Variants in LHFPL3 observed in about 807,000 individuals in gnomAD.
LHFPL3 encodes LHFPL tetraspan subfamily member 3.
In LHFPL3, 5 loss-of-function variants were observed where a neutral mutation model predicts 19.3. The observed-to-expected ratio is 0.26, with a 90% CI of 0.14 to 0.54. LHFPL3 has a LOEUF of 0.54. Among genes scored for constraint, LHFPL3 ranks in the 20% least tolerant of loss-of-function variants. The pLI is 0.94. For missense variants in LHFPL3, 249 were observed against 307.4 expected, an observed-to-expected ratio of 0.81 and a Z score of 1.42; for synonymous variants, 133 against 126.2, an observed-to-expected ratio of 1.05 and a Z score of -0.36.
chr7:104,758,495 T>C (rs1341092124), intron 2 of LHFPL3, among the ~76,000 whole-genome samples: 3 of 152,182 alleles, frequency 2.0e-5, no homozygotes, highest in African/African-American at 4.8e-5. Flanking sequence ...TAGGACCGTG[T>C]CTCTTTCAGT....
chr7:104,873,372 A>C (rs1193807164), intron 2 of LHFPL3, among the ~76,000 whole-genome samples: 1 of 152,228 alleles, frequency 6.6e-6, no homozygotes, highest in East Asian at 1.9e-4. Context: ...GATCCTATTA[A>C]GACAAACACA....
At chr7:104,424,349 TAC>T (rs1791797017) in intron 1 of LHFPL3, among the ~76,000 whole-genome samples, 1 of 152,112 alleles carries the variant, frequency 6.6e-6, no homozygotes, top group South Asian at 2.1e-4. Flanking sequence ...TGTACGAAGG[TAC>T]AGAAAGAAGA....
intron 1 of LHFPL3, among the ~76,000 whole-genome samples, chr7:104,710,867 T>C (rs1248461712): frequency 1.3e-5 from 2 of 152,246 alleles, no homozygotes; most frequent in Non-Finnish European, 2.9e-5. Context: ...TTTCTTTTCT[T>C]CAACATTTGT....
rs527866902 is a variant in LHFPL3 at position 104,709,659 on chromosome 7, T to C, written c.446-27016T>C. 5.9e-5 allele frequency among the ~76,000 whole-genome samples: 9 copies of C among 151,834 alleles called. No individual in the cohort carries two copies. In the East Asian group the frequency reaches 1.7e-3, roughly 29 times the overall value. The stretch of plus-strand genomic sequence containing the variant: ...CTACACAGACACAGTAACAATCTGA[T>C]CTCTCTTTCTTTTCCCCACATTTCC... On this transcript the variant is annotated intron_variant, in intron 1 of 2. Coordinates refer to ENST00000424859, the MANE Select transcript of LHFPL3 (RefSeq NM_199000.3).
chr7:104,882,170 TATGG>T (rs1332223642), intron 2 of LHFPL3, among the ~76,000 whole-genome samples: 1 of 152,224 alleles, frequency 6.6e-6, no homozygotes, highest in Non-Finnish European at 1.5e-5. Context: ...CATGCTACCA[TATGG>T]ATGAACCTTG....
chr7:104,761,315 C>T (rs1554434559), intron 2 of LHFPL3, among the ~76,000 whole-genome samples: 1 of 151,932 alleles, frequency 6.6e-6, no homozygotes, highest in Non-Finnish European at 1.5e-5. Flanking sequence ...CAAATTCATC[C>T]TTGTAGCACA....
chr7:104,399,917 A>G lies in LHFPL3; in HGVS notation c.445+70693A>G, dbSNP rs183380922. Reference sequence around the variant, plus strand: ...GGTCGAGTTTGAGACCAGCCTGGCCAACATGGTTAAACCCTGTCTCTACTA... The same window carrying G: ...GGTCGAGTTTGAGACCAGCCTGGCCGACATGGTTAAACCCTGTCTCTACTA... On this transcript the variant is annotated intron_variant, in intron 1 of 2. Coordinates refer to ENST00000424859, the MANE Select transcript of LHFPL3 (RefSeq NM_199000.3). This position sits in a 1 kb window ranked among gnomAD's most constrained non-coding sequence, Gnocchi z 4.4. Among the ~76,000 whole-genome samples, 161 of 151,444 alleles carry G rather than the reference A, an allele frequency of 1.1e-3. 3 individuals are homozygous for G. In the East Asian group the frequency reaches 0.027, roughly 25 times the overall value.
chr7:104,585,111 A>G (rs191405043), intron 1 of LHFPL3, among the ~76,000 whole-genome samples: 121 of 151,962 alleles, frequency 8.0e-4, no homozygotes, highest in African/African-American at 2.9e-3. Flanking sequence ...CCCTACTCCC[A>G]GCACTCTTGA....
At chr7:104,822,247 C>T (rs989860400) in intron 2 of LHFPL3, among the ~76,000 whole-genome samples, 3 of 152,170 alleles carry the variant, frequency 2.0e-5, no homozygotes, top group African/African-American at 7.2e-5. Flanking sequence ...GTTGACAACT[C>T]TAGTGAGTCA....
chr7:104,705,911 G>A (rs180705595), intron 1 of LHFPL3, among the ~76,000 whole-genome samples: 5 of 152,108 alleles, frequency 3.3e-5, no homozygotes, highest in Non-Finnish European at 7.4e-5. Context: ...GACTCTACTT[G>A]TCAGACCCCC....
chr7:104,543,573 A>G (rs1584391459), intron 1 of LHFPL3, among the ~76,000 whole-genome samples: 1 of 152,012 alleles, frequency 6.6e-6, no homozygotes. Flanking sequence ...ACCATGGAAT[A>G]CTATGCAGCC....
chr7:104,838,646 C>A (rs989925727), intron 2 of LHFPL3, among the ~76,000 whole-genome samples: 14 of 152,304 alleles, frequency 9.2e-5, no homozygotes, highest in African/African-American at 3.1e-4. Context: ...TAAAGCAGCA[C>A]CGTCTTGCAA....
At chr7:104,563,030 T>A (rs1345528375) in intron 1 of LHFPL3, among the ~76,000 whole-genome samples, 1 of 152,206 alleles carries the variant, frequency 6.6e-6, no homozygotes, top group East Asian at 1.9e-4. Flanking sequence ...GAGGAGACAG[T>A]CTGCCCATTC....
chr7:104,586,993 G>A (rs2115602366), intron 1 of LHFPL3, among the ~76,000 whole-genome samples: 1 of 152,250 alleles, frequency 6.6e-6, no homozygotes, highest in Admixed American at 6.5e-5. Context: ...TACTGTATAT[G>A]AGTGTGAAAC....
chr7:104,563,959 C>G (rs1312584637), intron 1 of LHFPL3, among the ~76,000 whole-genome samples: 1 of 152,114 alleles, frequency 6.6e-6, no homozygotes, highest in African/African-American at 2.4e-5. Flanking sequence ...ATCTTTCTGC[C>G]ATAGAAAATA....
chr7:104,705,039 T>C (rs1793167231), intron 1 of LHFPL3, among the ~76,000 whole-genome samples: 1 of 152,234 alleles, frequency 6.6e-6, no homozygotes, highest in African/African-American at 2.4e-5. Flanking sequence ...GTTAATCACA[T>C]TTCTTTTCCT....
intron 2 of LHFPL3, among the ~76,000 whole-genome samples, chr7:104,811,236 C>A (rs1444768309): frequency 2.0e-5 from 3 of 150,406 alleles, no homozygotes; most frequent in Non-Finnish European, 4.4e-5. Flanking sequence ...CCTCTGTCTC[C>A]CAGGAGGGAG....
At chr7:104,462,996 T>C (rs531719093) in intron 1 of LHFPL3, among the ~76,000 whole-genome samples, 9 of 152,316 alleles carry the variant, frequency 5.9e-5, no homozygotes, top group African/African-American at 2.2e-4. Context: ...CAGGAATTCA[T>C]CTCTTGTAGT....
At position 104,906,245 on chromosome 7, in the gene LHFPL3, A is replaced by G. The variant is rs13307747; in HGVS notation, c.*30A>G. On this transcript the variant is annotated 3_prime_UTR_variant, in exon 3 of 3. Coordinates refer to ENST00000424859, the MANE Select transcript of LHFPL3 (RefSeq NM_199000.3). ...AAAACAAATCGAATAACAGCTAAAC[A>G]AATCGAATAACAGCTAAACGAATCG... 6 of 1,599,644 alleles carry G rather than the reference A, an allele frequency of 3.8e-6. No homozygotes were observed. The South Asian group carries it at 6.8e-5, about 18-fold the overall frequency.
Sources: allele counts gnomAD v4.1 joint callset (sites outside exome capture counted in the v4.1 genomes callset), GRCh38; gene constraint gnomAD v4.1.1; non-coding constraint Gnocchi (gnomAD v3.1); transcripts MANE v1.5; gene names NCBI Gene and HGNC (gene_info 2026-07-23, HGNC 2026-07-21).